The following NAV2 variants were observed in gnomAD, a reference collection of about 807,000 sequenced individuals.
The protein encoded by NAV2 is neuron navigator 2, also known as helicase, APC down-regulated 1.
In NAV2, 54 loss-of-function variants were observed where a neutral mutation model predicts 223.2. That is an observed-to-expected ratio of 0.24 (90% CI 0.19 to 0.30). The LOEUF is 0.30. Among genes scored for constraint, NAV2 ranks in the 10% least tolerant of loss-of-function variants. NAV2 has a pLI of 1.00. For synonymous variants in NAV2, 1,279 were observed against 1,239.3 expected (o/e 1.03, Z -0.67); for missense variants, 2,806 against 3,147.5 (o/e 0.89, Z 2.60).
intron 1 of NAV2, among the ~76,000 whole-genome samples, chr11:19,669,583 G>C (rs1021153929): frequency 6.6e-6 from 1 of 152,248 alleles, no homozygotes. Context: ...CCAAAGGTTA[G>C]GCATTGGGTA....
rs1867114 is a variant in NAV2, at chr11:20,080,158, C to T, written c.5274C>T (p.Ser1758=). ...SSINSATSHS[S]VGSNIESDSK... is the part of the protein sequence containing the mutation. ...TCAACAGTGCCACCAGCCACTCCAG[C>T]GTGGGCAGCAACATAGAGAGTGACT... Residue 1758 remains serine, a synonymous_variant, in exon 25 of 38, where the codon AGC becomes AGT. Coordinates refer to ENST00000349880, the MANE Select transcript of NAV2 (RefSeq NM_145117.5). 1,414,663 of 1,612,698 alleles carry T rather than the reference C, an allele frequency of 0.88. 621,455 individuals carry two copies. The highest frequency in any genetic ancestry group is 0.96 in the East Asian group (42,875 of 44,836).
At chr11:19,966,527 C>T (rs1258572017) in intron 10 of NAV2, among the ~76,000 whole-genome samples, 9 of 152,178 alleles carry the variant, frequency 5.9e-5, no homozygotes. Flanking sequence ...CCCGTCCTCT[C>T]CCCACCCCAG....
Position 19,933,346 on chromosome 11 carries a change from A to G in NAV2, c.1102A>G (p.Ser368Gly). The change falls in exon 7 of 38, where the codon AGT becomes GGT. Residue 368 changes from serine (S) to glycine (G), a missense_variant. By Grantham distance (56) the Ser-to-Gly change is moderately conservative. This residue lies in a region of NAV2 where 1,167 missense variants were observed against 1,180.5 expected (regional missense o/e 0.99). Transcript: ENST00000349880. This position sits in a 1 kb window ranked among gnomAD's most constrained non-coding sequence, Gnocchi z 4.3. ...CAGCAAATCCCTCAGCGTGAAGCAC[A>G]GTGCCACGGTATCCATGCTCTCGGT... is the stretch of plus-strand genomic sequence containing the variant. ...WRSKSLSVKHSATVSMLSVKP... is the reference protein window; with the variant it reads ...WRSKSLSVKHGATVSMLSVKP... 6.2e-7 allele frequency: 1 copy of G among 1,607,298 alleles called. No individual in the cohort carries two copies. The highest frequency in any genetic ancestry group is 1.3e-5 in the African/African-American group (1 of 74,782).
intron 13 of NAV2, among the ~76,000 whole-genome samples, chr11:20,044,572 G>A (rs1352859689): frequency 6.6e-6 from 1 of 152,128 alleles, no homozygotes; most frequent in Admixed American, 6.5e-5. Flanking sequence ...ATGAGCTGTG[G>A]GTGTATGGTG....
chr11:19,654,677 T>C (rs1371108730), intron 1 of NAV2, among the ~76,000 whole-genome samples: 2 of 152,210 alleles, frequency 1.3e-5, no homozygotes, highest in Non-Finnish European at 2.9e-5. Context: ...CTGGGAAAAC[T>C]GGCTAGCCAT....
At chr11:19,649,877 C>A (rs143201572) in intron 1 of NAV2, among the ~76,000 whole-genome samples, 2 of 152,074 alleles carry the variant, frequency 1.3e-5, no homozygotes, top group Non-Finnish European at 2.9e-5. Flanking sequence ...GCAAAGAAAA[C>A]GATAGTGAGA....
chr11:20,000,492 T>C lies in NAV2; in HGVS notation c.2768+16245T>C, dbSNP rs1040912483. Among the ~76,000 whole-genome samples, 4 of 151,498 alleles carry C rather than the reference T, an allele frequency of 2.6e-5. No individual in the cohort carries two copies. In the South Asian group the frequency reaches 8.4e-4, roughly 32 times the overall value. ...ACCGACCAGGAAGGGGTGTGGAGGG[T>C]GTGAGGAGAGTAAAGCAGGGTGTCT... On this transcript the variant is annotated intron_variant, in intron 11 of 37. Transcript: ENST00000349880.
At chr11:19,902,603 G>T (rs542934622) in intron 6 of NAV2, among the ~76,000 whole-genome samples, 28 of 152,318 alleles carry the variant, frequency 1.8e-4, no homozygotes, top group African/African-American at 5.8e-4. Flanking sequence ...ATCTTCAGAT[G>T]ATAAATCTCA....
At chr11:19,972,577 T>C (rs893407972) in intron 10 of NAV2, among the ~76,000 whole-genome samples, 3 of 152,200 alleles carry the variant, frequency 2.0e-5, no homozygotes, top group South Asian at 4.1e-4. Flanking sequence ...TCACTTTACA[T>C]GTTGGGTCCT....
intron 1 of NAV2, among the ~76,000 whole-genome samples, chr11:19,647,273 C>T (rs1309556033): frequency 6.6e-6 from 1 of 152,120 alleles, no homozygotes; most frequent in Non-Finnish European, 1.5e-5. Context: ...AAGATGCTGG[C>T]TCTGTTCATC....
chr11:19,732,510 A>G (rs73427801), intron 1 of NAV2, among the ~76,000 whole-genome samples: 5,196 of 152,320 alleles, frequency 0.034, 285 homozygotes, highest in African/African-American at 0.12. Flanking sequence ...GTTGAGTAGC[A>G]TAACAACCTT....
At chr11:19,595,518 G>A (rs114004330) in intron 1 of NAV2, among the ~76,000 whole-genome samples, 1 of 151,904 alleles carries the variant, frequency 6.6e-6, no homozygotes, top group Non-Finnish European at 1.5e-5. Flanking sequence ...CTTGATCAAG[G>A]TTCTCCAGTC....
At chr11:19,434,061 A>C (rs1402219567) in intron 1 of NAV2, among the ~76,000 whole-genome samples, 2 of 152,106 alleles carry the variant, frequency 1.3e-5, no homozygotes, top group Non-Finnish European at 2.9e-5. Context: ...CATTGGTGCA[A>C]ACAAATCACA....
intron 1 of NAV2, among the ~76,000 whole-genome samples, chr11:19,542,031 C>T (rs914297971): frequency 2.1e-5 from 3 of 145,280 alleles, no homozygotes; most frequent in African/African-American, 7.9e-5. Context: ...AGTCACAGCA[C>T]GGAAAAGACA....
intron 1 of NAV2, among the ~76,000 whole-genome samples, chr11:19,475,138 G>C (rs947458342): frequency 6.6e-6 from 1 of 152,248 alleles, no homozygotes; most frequent in African/African-American, 2.4e-5. Context: ...AAGCCGGAAG[G>C]CTAAGGACAG....
At chr11:19,441,457 C>CAT (rs1211601365) in intron 1 of NAV2, among the ~76,000 whole-genome samples, 1 of 151,716 alleles carries the variant, frequency 6.6e-6, no homozygotes, top group Non-Finnish European at 1.5e-5. Flanking sequence ...CGCACACACA[C>CAT]ACACACACAC....
intron 6 of NAV2, among the ~76,000 whole-genome samples, chr11:19,919,830 C>T (rs1250499569): frequency 6.6e-6 from 1 of 152,122 alleles, no homozygotes; most frequent in African/African-American, 2.4e-5. Flanking sequence ...TTAATAAAGT[C>T]CATTGATTAA....
At chr11:19,931,270 A>G (rs1432784876) in intron 6 of NAV2, among the ~76,000 whole-genome samples, 1 of 152,144 alleles carries the variant, frequency 6.6e-6, no homozygotes, top group Non-Finnish European at 1.5e-5. Flanking sequence ...TCCCCAGGAA[A>G]ACATCCAACA....
chr11:19,803,209 C>T (rs1409170063), intron 1 of NAV2, among the ~76,000 whole-genome samples: 2 of 152,200 alleles, frequency 1.3e-5, no homozygotes, highest in Non-Finnish European at 2.9e-5. Flanking sequence ...TGTGCTGGTG[C>T]TGTATATCAA....
Sources: allele counts gnomAD v4.1 joint callset (sites outside exome capture counted in the v4.1 genomes callset), GRCh38; gene constraint gnomAD v4.1.1; regional missense constraint gnomAD v4.1.1; non-coding constraint Gnocchi (gnomAD v3.1); transcripts MANE v1.5; gene names NCBI Gene and HGNC (gene_info 2026-07-23, HGNC 2026-07-21).